Variants in SANBR observed in about 807,000 individuals in gnomAD.
The protein encoded by SANBR is SANT and BTB domain regulator of CSR.
A neutral mutation model predicts 101.8 loss-of-function variants in SANBR; 77 were observed. The observed-to-expected ratio is 0.76, with a 90% confidence interval of 0.63 to 0.91. The LOEUF (loss-of-function observed/expected upper bound fraction) is 0.91, where lower values mean the gene tolerates loss of function less well. SANBR is among the 40% of genes least tolerant of loss of function. The pLI is 0.00. For synonymous variants in SANBR, 279 were observed against 274.7 expected (o/e 1.02, Z -0.15); for missense variants, 875 against 853.0 (o/e 1.03, Z -0.32).
At chr2:61,083,518 T>C (rs563372608) in intron 8 of SANBR, among the ~76,000 whole-genome samples, 1 of 148,166 alleles carries the variant, frequency 6.7e-6, no homozygotes, top group East Asian at 2.0e-4. Flanking sequence ...CACCTCAGCC[T>C]CCCAAGTAGC....
At chr2:61,083,446 G>C (rs1294693677) in intron 8 of SANBR, 132 bp downstream of exon 8, 2 of 651,538 alleles carry the variant, frequency 3.1e-6, no homozygotes, top group Non-Finnish European at 5.1e-6. Context: ...GTTCAGGCTG[G>C]AGTGCAGTGG....
intron 4 of SANBR, among the ~76,000 whole-genome samples, chr2:61,072,935 T>G (rs1681561799): frequency 7.0e-6 from 1 of 143,726 alleles, no homozygotes. Context: ...CAAGCAATCC[T>G]CCTGCCGCAG....
In SANBR at chr2:61,098,172, C is replaced by G. The variant is rs1284257204; in HGVS notation, c.1365+320C>G. ...AGGGTGGAGTGCAGTGGTGCCATCT[C>G]GGCTCACTCCAGCCTCTGCCTCCCA... is the stretch of plus-strand genomic sequence containing the variant. On this transcript the variant is annotated intron_variant, in intron 12 of 21. Coordinates refer to ENST00000402291, the MANE Select transcript of SANBR (RefSeq NM_001129993.3). Among the ~76,000 whole-genome samples the G allele has an allele frequency of 5.3e-5, 8 of 150,356 alleles. 1 individual carries two copies. The highest frequency in any genetic ancestry group is 6.9e-3 in the Middle Eastern group (2 of 290).
At chr2:61,133,175 C>G (rs1016099720) in intron 20 of SANBR, among the ~76,000 whole-genome samples, 1 of 152,074 alleles carries the variant, frequency 6.6e-6, no homozygotes, top group Non-Finnish European at 1.5e-5. Context: ...TCGCTTGAAC[C>G]TAGGAGGTGG....
intron 11 of SANBR, among the ~76,000 whole-genome samples, chr2:61,093,069 A>G (rs1267609375): frequency 1.7e-4 from 25 of 149,384 alleles, no homozygotes; most frequent in Admixed American, 5.3e-4. Context: ...GGAGGCAGAG[A>G]TTGCAGAGAG....
intron 20 of SANBR, among the ~76,000 whole-genome samples, chr2:61,130,097 C>T (rs1185300033): frequency 6.6e-6 from 1 of 152,056 alleles, no homozygotes; most frequent in East Asian, 1.9e-4. Context: ...TTTGCTTTCT[C>T]CATGCTTCCT....
intron 6 of SANBR, among the ~76,000 whole-genome samples, chr2:61,078,648 C>G (rs1681922083): frequency 6.6e-6 from 1 of 152,028 alleles, no homozygotes; most frequent in Non-Finnish European, 1.5e-5. Flanking sequence ...TCTCGAACTC[C>G]TGACCTCAGG....
chr2:61,081,628 T>A (rs1336736782), intron 7 of SANBR, 118 bp downstream of exon 7: 4 of 1,119,384 alleles, frequency 3.6e-6, no homozygotes, highest in South Asian at 1.7e-5. Context: ...AAAAACAATT[T>A]AAAAAATTGT....
chr2:61,085,454 G>T (rs544834509), intron 8 of SANBR, among the ~76,000 whole-genome samples: 1 of 151,684 alleles, frequency 6.6e-6, no homozygotes, highest in African/African-American at 2.4e-5. Flanking sequence ...TTTCCGAATT[G>T]TCCTTTGTGT....
At chr2:61,077,694 C>A (rs1681869025) in intron 6 of SANBR, among the ~76,000 whole-genome samples, 1 of 152,130 alleles carries the variant, frequency 6.6e-6, no homozygotes, top group African/African-American at 2.4e-5. Flanking sequence ...ATATACATAT[C>A]TTTACTGTGA....
intron 4 of SANBR, 72 bp downstream of exon 4, chr2:61,071,864 CTTTT>C (rs1681492258): frequency 3.3e-6 from 3 of 913,350 alleles, no homozygotes; most frequent in African/African-American, 3.5e-5. Flanking sequence ...TTCCAATCAA[CTTTT>C]CTTTCTTTGT....
intron 19 of SANBR, among the ~76,000 whole-genome samples, 168 bp from the exon 20 acceptor site, chr2:61,117,860 T>C (rs73932684): frequency 5.9e-5 from 9 of 152,376 alleles, no homozygotes; most frequent in African/African-American, 2.2e-4. Context: ...AGATGAGTCA[T>C]CTGCCACTTG....
At chr2:61,113,900 T>C (rs892130726) in intron 16 of SANBR, among the ~76,000 whole-genome samples, 1 of 152,222 alleles carries the variant, frequency 6.6e-6, no homozygotes, top group African/African-American at 2.4e-5. Context: ...CCTTTCTCAG[T>C]TGAGAAAGTT....
intron 16 of SANBR, among the ~76,000 whole-genome samples, chr2:61,109,512 C>G (rs1482020880): frequency 2.6e-5 from 4 of 152,020 alleles, no homozygotes; most frequent in African/African-American, 9.7e-5. Flanking sequence ...AGAAAGAACT[C>G]TCCAGGTTTT....
At chr2:61,120,895 A>G (rs1166347097) in intron 20 of SANBR, among the ~76,000 whole-genome samples, 1 of 152,190 alleles carries the variant, frequency 6.6e-6, no homozygotes, top group Non-Finnish European at 1.5e-5. Flanking sequence ...AGAAATTGGT[A>G]GTGGTAGGTA....
At chr2:61,074,519 A>T (rs1329615820) in intron 5 of SANBR, among the ~76,000 whole-genome samples, 1 of 152,122 alleles carries the variant, frequency 6.6e-6, no homozygotes, top group Admixed American at 6.6e-5. Context: ...GGCAATTCTC[A>T]TGCCTCAGCC....
At chr2:61,116,107 A>G in intron 17 of SANBR, 37 bp downstream of exon 17, 4 of 1,362,194 alleles carry the variant, frequency 2.9e-6, no homozygotes, top group Non-Finnish European at 4.1e-6. Context: ...GTTCATATGG[A>G]AAAATAAGCA....
At chr2:61,076,691 G>C (rs1681803788) in intron 5 of SANBR, among the ~76,000 whole-genome samples, 1 of 151,534 alleles carries the variant, frequency 6.6e-6, no homozygotes, top group Non-Finnish European at 1.5e-5. Flanking sequence ...TATTTGTCCT[G>C]TAGTAACCAT....
Position 61,071,604 on chromosome 2 carries a change from A to G in SANBR, c.151-2A>G. 6.5e-7 allele frequency: 1 copy of G among 1,534,328 alleles called. No individual in the cohort carries two copies. The highest frequency in any genetic ancestry group is 8.7e-7 in the Non-Finnish European group (1 of 1,146,866). On this transcript the variant is annotated splice_acceptor_variant, in intron 3 of 21. Transcript: ENST00000402291. LOFTEE classifies it high-confidence loss of function. ...TGTTTCTTTCATTTTATATTATGAC[A>G]GTGTGCAAAAAGGTTTGATGAATTA...
Sources: allele counts gnomAD v4.1 joint callset (sites outside exome capture counted in the v4.1 genomes callset), GRCh38; gene constraint gnomAD v4.1.1; transcripts MANE v1.5; gene names NCBI Gene and HGNC (gene_info 2026-07-23, HGNC 2026-07-21).